The following JAM3 variants were observed in gnomAD, a reference collection of about 807,000 sequenced individuals.
The protein encoded by JAM3 is junctional adhesion molecule 3.
A neutral mutation model predicts 39.4 loss-of-function variants in JAM3; 31 were observed. The ratio of observed to expected loss-of-function variants is 0.79; its 90% CI spans 0.59 to 1.06. The LOEUF is 1.06. JAM3 is among the 50% of genes least tolerant of loss of function. The probability of loss-of-function intolerance (pLI) is 0.00; values close to 1 mark genes in which losing one functional copy is unlikely to be tolerated. For missense variants in JAM3, 455 were observed against 391.4 expected (o/e 1.16, Z -1.37); for synonymous variants, 182 against 148.7 (o/e 1.22, Z -1.63).
At chr11:134,102,249 A>G (rs1770911274) in intron 1 of JAM3, among the ~76,000 whole-genome samples, 1 of 152,182 alleles carries the variant, frequency 6.6e-6, no homozygotes, top group Non-Finnish European at 1.5e-5. Context: ...AACCCAGGCA[A>G]ACAGGGTCTG....
At chr11:134,141,152 G>A (rs1299142556) in intron 3 of JAM3, among the ~76,000 whole-genome samples, 1 of 152,086 alleles carries the variant, frequency 6.6e-6, no homozygotes, top group Non-Finnish European at 1.5e-5. Context: ...CAGCACAAAT[G>A]GACTGAGCCA....
chr11:134,108,813 G>A (rs1591787322), intron 1 of JAM3, among the ~76,000 whole-genome samples: 1 of 151,982 alleles, frequency 6.6e-6, no homozygotes, highest in African/African-American at 2.4e-5. Context: ...AAACAACAGA[G>A]GTAAATCAAT....
rs147528564 is a variant in JAM3 at position 134,079,113 on chromosome 11, T to C, written c.76+9954T>C. Reference sequence around the variant, plus strand: ...CATACACCCCCAGGAAGTTCTGATATTCTTGAGGGTTGGGGTTGTATGCCT... The same window carrying C: ...CATACACCCCCAGGAAGTTCTGATACTCTTGAGGGTTGGGGTTGTATGCCT... On this transcript the variant is annotated intron_variant, in intron 1 of 8. Coordinates refer to ENST00000299106, the MANE Select transcript of JAM3 (RefSeq NM_032801.5). 3.8e-3 allele frequency among the ~76,000 whole-genome samples: 580 copies of C among 152,308 alleles called. 6 individuals are homozygous for C. The highest frequency in any genetic ancestry group is 0.013 in the African/African-American group (550 of 41,568).
intron 1 of JAM3, among the ~76,000 whole-genome samples, chr11:134,083,284 C>A (rs116091308): frequency 5.9e-5 from 9 of 152,204 alleles, no homozygotes; most frequent in African/African-American, 1.7e-4. Flanking sequence ...TACAGCAGAT[C>A]GCTCCCTCCC....
At chr11:134,116,095 A>C (rs781237290) in intron 1 of JAM3, among the ~76,000 whole-genome samples, 3 of 152,082 alleles carry the variant, frequency 2.0e-5, no homozygotes, top group Admixed American at 6.5e-5. Flanking sequence ...ATTTTTTAGG[A>C]GTTCAGCCCA....
intron 1 of JAM3, among the ~76,000 whole-genome samples, chr11:134,077,416 T>A (rs1449457907): frequency 6.6e-6 from 1 of 150,434 alleles, no homozygotes; most frequent in Non-Finnish European, 1.5e-5. Context: ...CAGGCTGGAG[T>A]GCAATGGCGT....
At chr11:134,113,298 T>C (rs1213105900) in intron 1 of JAM3, among the ~76,000 whole-genome samples, 2 of 151,906 alleles carry the variant, frequency 1.3e-5, no homozygotes, top group South Asian at 2.1e-4. Context: ...ACCCATTAAC[T>C]CGTCATTTAC....
intron 1 of JAM3, among the ~76,000 whole-genome samples, chr11:134,082,371 G>C (rs1941680355): frequency 1.3e-5 from 2 of 152,210 alleles, no homozygotes; most frequent in Non-Finnish European, 2.9e-5. Context: ...GTGAGGACAT[G>C]AGATTTGGGA....
chr11:134,114,879 T>G lies in JAM3; in HGVS notation c.77-24972T>G, dbSNP rs2120744427. On this transcript the variant is annotated intron_variant, in intron 1 of 8. Transcript: ENST00000299106. ...TAGGTCAAGTTAGTCGATAGAATTT[T>G]TAAAAATCAGCATTCTTACTGATTT... 2.0e-5 allele frequency among the ~76,000 whole-genome samples: 3 copies of G among 152,360 alleles called. No homozygotes were observed. The Middle Eastern group carries it at 0.01, about 518-fold the overall frequency.
At chr11:134,121,821 GCACA>G (rs1555117431) in intron 1 of JAM3, among the ~76,000 whole-genome samples, 2,436 of 148,430 alleles carry the variant, frequency 0.016, 51 homozygotes, top group African/African-American at 0.049. Context: ...GCATGTGTGC[GCACA>G]CACACACACA....
chr11:134,090,112 G>C (rs893587534), intron 1 of JAM3, among the ~76,000 whole-genome samples: 4 of 152,202 alleles, frequency 2.6e-5, no homozygotes, highest in East Asian at 1.9e-4. Flanking sequence ...GTCTTCTTTT[G>C]AGAAGTGTCT....
At chr11:134,097,524 C>T (rs1168839512) in intron 1 of JAM3, among the ~76,000 whole-genome samples, 1 of 152,146 alleles carries the variant, frequency 6.6e-6, no homozygotes, top group Non-Finnish European at 1.5e-5. Context: ...GACATTTCTT[C>T]TCACATCTTA....
intron 1 of JAM3, among the ~76,000 whole-genome samples, chr11:134,108,791 C>T (rs1004673553): frequency 9.2e-5 from 14 of 152,252 alleles, no homozygotes; most frequent in African/African-American, 3.4e-4. Flanking sequence ...CTTCCTGAGA[C>T]AGACAACAGC....
intron 1 of JAM3, among the ~76,000 whole-genome samples, chr11:134,117,867 C>T (rs1429090846): frequency 6.6e-6 from 1 of 152,198 alleles, no homozygotes; most frequent in African/African-American, 2.4e-5. Context: ...AGGCTAGTTC[C>T]ATGTACCTCC....
intron 1 of JAM3, among the ~76,000 whole-genome samples, chr11:134,125,314 G>A (rs1248621927): frequency 6.6e-6 from 1 of 152,192 alleles, no homozygotes; most frequent in African/African-American, 2.4e-5. Context: ...CATGTCAGAG[G>A]CTTTTTTTAG....
chr11:134,130,845 A>G (rs373252350), intron 1 of JAM3, among the ~76,000 whole-genome samples: 1 of 152,192 alleles, frequency 6.6e-6, no homozygotes, highest in South Asian at 2.1e-4. Context: ...GGCCTAATGC[A>G]AGGTGCTTGT....
Position 134,069,089 on chromosome 11 carries a change from G to A in JAM3, c.6G>A (p.Ala2=), listed in dbSNP as rs753780637. M[A]LRRPPRLRLC... ...GCCCCTCAGCAACCCTCGACATGGCGCTGAGGCGGCCACCGCGACTCCGGC... is the reference window on the plus strand; with the variant it reads ...GCCCCTCAGCAACCCTCGACATGGCACTGAGGCGGCCACCGCGACTCCGGC... The change falls in exon 1 of 9, where the codon GCG becomes GCA. Residue 2 remains alanine, a synonymous_variant. Transcript: ENST00000299106. 9 of 1,611,156 alleles carry A rather than the reference G, an allele frequency of 5.6e-6. No homozygotes were observed. Among genetic ancestry groups the A allele is most frequent in the Non-Finnish European group, 7.6e-6 (9 of 1,179,044 alleles).
chr11:134,139,507 G>T (rs1942933499), intron 1 of JAM3: 2 of 334,006 alleles, frequency 6.0e-6, no homozygotes, highest in Non-Finnish European at 1.2e-5. Flanking sequence ...GATGGAGGGA[G>T]AAAGGGCAGA....
At chr11:134,108,698 A>G (rs1240168224) in intron 1 of JAM3, among the ~76,000 whole-genome samples, 1 of 152,222 alleles carries the variant, frequency 6.6e-6, no homozygotes, top group African/African-American at 2.4e-5. Context: ...TCACCATATT[A>G]CATTCTCAAC....
Sources: gnomAD v4.1 joint callset for allele counts (sites outside exome capture counted in the v4.1 genomes callset) on GRCh38, gnomAD v4.1.1 for gene constraint, MANE v1.5 for transcripts, NCBI Gene and HGNC (gene_info 2026-07-23, HGNC 2026-07-21) for gene names.